Variants in KCNJ6 observed in about 807,000 individuals in gnomAD.
The protein encoded by KCNJ6 is G protein-activated inward rectifier potassium channel 2.
In KCNJ6, 9 loss-of-function variants were observed where a neutral mutation model predicts 34.2. That is an observed-to-expected ratio of 0.26 (90% CI 0.16 to 0.46). The LOEUF (loss-of-function observed/expected upper bound fraction) is 0.46, where lower values mean the gene tolerates loss of function less well. KCNJ6 is among the 20% of genes least tolerant of loss of function. The pLI, the probability that KCNJ6 is intolerant of heterozygous loss-of-function variation, is 1.00. For synonymous variants in KCNJ6, 196 were observed against 207.1 expected (o/e 0.95, Z 0.46); for missense variants, 236 against 531.3 (o/e 0.44, Z 5.46).
rs2054299861 is a variant in KCNJ6, at chr21:37,623,980, CTT to C, written c.*1177_*1178del. 6.6e-6 allele frequency: 1 copy of C among 152,208 alleles called. No homozygotes were observed. Among genetic ancestry groups the C allele is most frequent in the African/African-American group, 2.4e-5 (1 of 41,456 alleles). 9.4% of individuals were successfully genotyped at this position (152,208 alleles called of 1,614,324 possible). ...TTTCACGGCTTTAGACCCAAACCAT[CTT>C]CTGCTAACTTACCATGTCTCATTGT... On this transcript the variant is annotated 3_prime_UTR_variant, in exon 4 of 4. Coordinates refer to ENST00000609713, the MANE Select transcript of KCNJ6 (RefSeq NM_002240.5).
intron 2 of KCNJ6, among the ~76,000 whole-genome samples, chr21:37,831,271 C>G (rs1445536240): frequency 6.6e-6 from 1 of 152,196 alleles, no homozygotes; most frequent in African/African-American, 2.4e-5. Context: ...CAGGGAAGAG[C>G]CTACTAGCTT....
At chr21:37,716,627 C>A (rs1167102952) in intron 2 of KCNJ6, among the ~76,000 whole-genome samples, 1 of 152,074 alleles carries the variant, frequency 6.6e-6, no homozygotes, top group East Asian at 1.9e-4. Flanking sequence ...AAGCCATCCT[C>A]ACACCTTGGC....
intron 1 of KCNJ6, among the ~76,000 whole-genome samples, chr21:37,875,763 G>C (rs1054327328): frequency 2.0e-5 from 3 of 152,160 alleles, no homozygotes; most frequent in African/African-American, 7.2e-5. Flanking sequence ...CACAAACCCG[G>C]CCTCCAGAAA....
chr21:37,885,412 A>G (rs775376695), intron 1 of KCNJ6, among the ~76,000 whole-genome samples: 81 of 152,190 alleles, frequency 5.3e-4, no homozygotes, highest in Admixed American at 1.3e-3. Context: ...CAATTATCCA[A>G]TCAAATGCTA....
chr21:37,820,936 T>C (rs2055370335), intron 2 of KCNJ6, among the ~76,000 whole-genome samples: 1 of 152,226 alleles, frequency 6.6e-6, no homozygotes, highest in South Asian at 2.1e-4. Flanking sequence ...ATATTATTTC[T>C]TGTTGAAAAA....
rs999857210 is a variant in KCNJ6 at position 37,714,976 on chromosome 21, C to T, written c.181G>A (p.Gly61Arg). 6.2e-7 allele frequency: 1 copy of T among 1,614,084 alleles called. No individual in the cohort carries two copies. The highest frequency in any genetic ancestry group is 8.5e-7 in the Non-Finnish European group (1 of 1,180,054). The change falls in exon 3 of 4, where the codon GGA becomes AGA. Residue 61 changes from glycine (G) to arginine (R), a missense_variant. Physicochemically the swap from Gly to Arg is moderately radical, Grantham distance 125. This residue lies in a region of KCNJ6 where 68 missense variants were observed against 165.7 expected (regional missense o/e 0.41). Coordinates refer to ENST00000609713, the MANE Select transcript of KCNJ6 (RefSeq NM_002240.5). The surrounding 1 kb of genome is among the most constrained non-coding windows in gnomAD (Gnocchi z 5.9). Reference protein sequence around the residue: ...RKIQRYVRKDGKCNVHHGNVR... With the variant: ...RKIQRYVRKDRKCNVHHGNVR... Reference sequence around the variant, plus strand: ...TTGCCGTGATGAACATTGCACTTTCCGTCTTTCCTCACGTACCTCTGGATT... The same window carrying T: ...TTGCCGTGATGAACATTGCACTTTCTGTCTTTCCTCACGTACCTCTGGATT...
intron 1 of KCNJ6, among the ~76,000 whole-genome samples, chr21:37,891,256 CAGGCAA>C (rs982867275): frequency 1.5e-5 from 2 of 135,570 alleles, no homozygotes; most frequent in African/African-American, 6.5e-5. Context: ...CAGACACACA[CAGGCAA>C]AGACACACAC....
At chr21:37,790,744 G>T (rs1335874820) in intron 2 of KCNJ6, among the ~76,000 whole-genome samples, 1 of 152,244 alleles carries the variant, frequency 6.6e-6, no homozygotes, top group Non-Finnish European at 1.5e-5. Context: ...TATCTTGCCA[G>T]AGAATGTCTT....
At chr21:37,793,663 A>C (rs550742095) in intron 2 of KCNJ6, among the ~76,000 whole-genome samples, 1 of 152,214 alleles carries the variant, frequency 6.6e-6, no homozygotes, top group African/African-American at 2.4e-5. Flanking sequence ...GGTCCTGGCA[A>C]GAATCATGCA....
chr21:37,682,548 CT>C (rs11356597), intron 3 of KCNJ6, among the ~76,000 whole-genome samples: 152,215 of 152,216 alleles, frequency 1, 76,107 homozygotes, highest in Middle Eastern at 1. Context: ...ACGTGACCTT[CT>C]TCTGTGTGTC....
At chr21:37,630,823 T>C (rs2123367069) in intron 3 of KCNJ6, among the ~76,000 whole-genome samples, 1 of 152,310 alleles carries the variant, frequency 6.6e-6, no homozygotes, top group South Asian at 2.1e-4. Context: ...TTTGGGTATA[T>C]AATGCATTGT....
intron 3 of KCNJ6, among the ~76,000 whole-genome samples, chr21:37,713,746 A>G (rs897994400): frequency 3.3e-5 from 5 of 152,208 alleles, no homozygotes; most frequent in African/African-American, 1.2e-4. Context: ...AGAAAAACCA[A>G]TGCTATAGGC....
chr21:37,815,762 C>T (rs1285459615), intron 2 of KCNJ6, among the ~76,000 whole-genome samples: 1 of 152,190 alleles, frequency 6.6e-6, no homozygotes, highest in Non-Finnish European at 1.5e-5. Context: ...TCACAGTTTT[C>T]TACAGCTGTT....
At chr21:37,777,105 A>G (rs1011897958) in intron 2 of KCNJ6, among the ~76,000 whole-genome samples, 1 of 152,082 alleles carries the variant, frequency 6.6e-6, no homozygotes, top group Non-Finnish European at 1.5e-5. Flanking sequence ...GAATTTATCC[A>G]TTTCTTCTAG....
rs1324340711 is a variant in KCNJ6 at position 37,661,613 on chromosome 21, A to ATTTCTT, written c.947-36130_947-36129insAAGAAA. Among the ~76,000 whole-genome samples, 20 of 47,294 alleles carry ATTTCTT rather than the reference A, an allele frequency of 4.2e-4. 2 individuals are homozygous for ATTTCTT. Among genetic ancestry groups the ATTTCTT allele is most frequent in the East Asian group, 1.6e-3 (3 of 1,820 alleles). 31.0% of individuals were successfully genotyped at this position (47,294 alleles called of 152,430 possible). On this transcript the variant is annotated intron_variant, in intron 3 of 3. Transcript: ENST00000609713. ...CTCCACCCATTTCCTTAAGAGACATAGTTTTTTTTTTTTTTTTTTTTTTTT... is the reference window on the plus strand; with the variant it reads ...CTCCACCCATTTCCTTAAGAGACATATTTCTTGTTTTTTTTTTTTTTTTTTTTTTTT...
intron 3 of KCNJ6, among the ~76,000 whole-genome samples, chr21:37,646,678 A>AT (rs60702932): frequency 0.059 from 6,349 of 108,224 alleles, 330 homozygotes; most frequent in African/African-American, 0.15. Context: ...AATTATTTTT[A>AT]TTTTTTTTTT....
At chr21:37,889,921 A>G (rs994149449) in intron 1 of KCNJ6, among the ~76,000 whole-genome samples, 3 of 152,236 alleles carry the variant, frequency 2.0e-5, no homozygotes, top group African/African-American at 4.8e-5. Context: ...CATAGGTACC[A>G]GGCATTAGGC....
chr21:37,799,400 G>T (rs1012807518), intron 2 of KCNJ6, among the ~76,000 whole-genome samples: 2 of 152,212 alleles, frequency 1.3e-5, no homozygotes, highest in Non-Finnish European at 2.9e-5. Flanking sequence ...GCTGGGAGAA[G>T]CTGGGGTCAG....
intron 1 of KCNJ6, among the ~76,000 whole-genome samples, chr21:37,872,475 G>A (rs2055657505): frequency 6.6e-6 from 1 of 152,176 alleles, no homozygotes; most frequent in South Asian, 2.1e-4. Context: ...AGTGCACCCA[G>A]GAGGTGCAGC....
Sources: gnomAD v4.1 joint callset for allele counts (sites outside exome capture counted in the v4.1 genomes callset) on GRCh38, gnomAD v4.1.1 for gene constraint, gnomAD v4.1.1 regional missense constraint, Gnocchi (gnomAD v3.1) non-coding constraint, MANE v1.5 for transcripts, NCBI Gene and HGNC (gene_info 2026-07-23, HGNC 2026-07-21) for gene names.